The following PRKCZ variants were observed in gnomAD, a reference collection of about 807,000 sequenced individuals.
PRKCZ encodes protein kinase C zeta, also known as protein kinase C zeta type.
Under a neutral mutation model 79.5 loss-of-function variants are expected in PRKCZ, and 33 were observed. The observed-to-expected ratio is 0.41, with a 90% CI of 0.31 to 0.55. PRKCZ has a LOEUF of 0.55. Among genes scored for constraint, PRKCZ ranks in the 20% least tolerant of loss-of-function variants. The pLI is 0.19. For missense variants in PRKCZ, 578 were observed against 813.5 expected, an observed-to-expected ratio of 0.71 and a Z score of 3.52; for synonymous variants, 342 against 320.9, an observed-to-expected ratio of 1.07 and a Z score of -0.70.
At chr1:2,151,609 C>G (rs977978929) in intron 9 of PRKCZ, among the ~76,000 whole-genome samples, 3 of 152,346 alleles carry the variant, frequency 2.0e-5, no homozygotes, top group African/African-American at 7.2e-5. Context: ...GATCTTCCCA[C>G]ACCAGCTGTT....
At chr1:2,169,105 C>T (rs1426530631) in intron 10 of PRKCZ, 3 of 456,236 alleles carry the variant, frequency 6.6e-6, no homozygotes, top group Non-Finnish European at 8.8e-6. Context: ...GGCCACCCCA[C>T]CCGTGACCTG....
In PRKCZ at chr1:2,153,656, G is replaced by T. The variant is rs796741834; in HGVS notation, c.877-2339G>T. On this transcript the variant is annotated intron_variant, in intron 9 of 17. Transcript: ENST00000378567. Reference sequence around the variant, plus strand: ...CCAGCGGCAGCACAGGAGGATTCCAGCCCCCTTTGCAGCACGTCCCGGTCA... The same window carrying T: ...CCAGCGGCAGCACAGGAGGATTCCATCCCCCTTTGCAGCACGTCCCGGTCA... 6.6e-5 allele frequency among the ~76,000 whole-genome samples: 10 copies of T among 152,358 alleles called. No homozygotes were observed. In the South Asian group the frequency reaches 1.9e-3, roughly 28 times the overall value.
intron 4 of PRKCZ, among the ~76,000 whole-genome samples, chr1:2,080,166 CG>C (rs1295215870): frequency 1.3e-5 from 2 of 152,178 alleles, no homozygotes; most frequent in African/African-American, 4.8e-5. Context: ...TTTGCTGTTA[CG>C]GGTTTTTTGG....
chr1:2,133,333 G>GC (rs1373509625), intron 4 of PRKCZ, among the ~76,000 whole-genome samples: 1 of 148,718 alleles, frequency 6.7e-6, no homozygotes, highest in African/African-American at 2.5e-5. Context: ...CCTCGGCTCC[G>GC]CCCCCAGTTG....
At chr1:2,108,345 C>G (rs1669009631) in intron 4 of PRKCZ, among the ~76,000 whole-genome samples, 2 of 152,242 alleles carry the variant, frequency 1.3e-5, no homozygotes, top group African/African-American at 2.4e-5. Flanking sequence ...GGCGTGGCCC[C>G]TTGTCCCTGC....
At chr1:2,095,899 CCTCCTCTCCCCTCCT>C (rs1666410660) in intron 4 of PRKCZ, among the ~76,000 whole-genome samples, 1 of 109,908 alleles carries the variant, frequency 9.1e-6, no homozygotes, top group African/African-American at 3.8e-5. Flanking sequence ...TTTCCCCTCC[CCTCCTCTCCCCTCCT>C]CTCCCCTCCC....
intron 4 of PRKCZ, among the ~76,000 whole-genome samples, chr1:2,060,054 G>A (rs1027516517): frequency 4.6e-5 from 7 of 152,226 alleles, no homozygotes; most frequent in Admixed American, 3.3e-4. Context: ...TCAGAGGGAA[G>A]CTTCTGACCT....
At chr1:2,064,051 T>C (rs2102265815) in intron 4 of PRKCZ, among the ~76,000 whole-genome samples, 1 of 152,316 alleles carries the variant, frequency 6.6e-6, no homozygotes, top group East Asian at 1.9e-4. Flanking sequence ...TTCACCATCT[T>C]GGCCAGGTTA....
intron 4 of PRKCZ, among the ~76,000 whole-genome samples, chr1:2,108,623 C>A (rs1669077671): frequency 1.3e-5 from 2 of 152,336 alleles, no homozygotes; most frequent in East Asian, 3.9e-4. Flanking sequence ...CCAGCCATGT[C>A]CCCAGGACTC....
At chr1:2,069,950 GGGTGCCCGCCCTGTGGAGGA>G (rs1340289036) in intron 4 of PRKCZ, among the ~76,000 whole-genome samples, 1 of 152,312 alleles carries the variant, frequency 6.6e-6, no homozygotes, top group Non-Finnish European at 1.5e-5. Context: ...TAAAGACTCA[GGGTGCCCGCCCTGTGGAGGA>G]GGTGCCGGGG....
At chr1:2,176,158 G>A (rs1488616006) in intron 16 of PRKCZ, among the ~76,000 whole-genome samples, 2 of 152,142 alleles carry the variant, frequency 1.3e-5, no homozygotes, top group African/African-American at 2.4e-5. Context: ...AGTTTTGACC[G>A]TTCCCCAGCT....
intron 8 of PRKCZ, 135 bp from the exon 9 acceptor site, chr1:2,150,655 G>A (rs2103218712): frequency 1.1e-6 from 1 of 885,054 alleles, no homozygotes. Context: ...GTGGGACGCA[G>A]AACTGAGACT....
At chr1:2,129,445 A>G (rs1056724292) in intron 4 of PRKCZ, among the ~76,000 whole-genome samples, 1 of 152,196 alleles carries the variant, frequency 6.6e-6, no homozygotes, top group African/African-American at 2.4e-5. Flanking sequence ...CCGAGAGGCA[A>G]GACGGTGACA....
intron 4 of PRKCZ, among the ~76,000 whole-genome samples, chr1:2,063,494 G>A (rs1269185115): frequency 6.6e-6 from 1 of 152,060 alleles, no homozygotes; most frequent in Non-Finnish European, 1.5e-5. Flanking sequence ...TGTACTTTTT[G>A]TAGAGACAGG....
intron 16 of PRKCZ, 100 bp from the exon 17 acceptor site, chr1:2,184,483 T>A (rs928521964): frequency 1.2e-6 from 1 of 815,072 alleles, no homozygotes; most frequent in East Asian, 2.7e-5. Flanking sequence ...ATGCTGACTT[T>A]CTCACTGTTT....
chr1:2,135,975 A>C (rs1350661245), intron 5 of PRKCZ, among the ~76,000 whole-genome samples: 6 of 151,998 alleles, frequency 3.9e-5, no homozygotes, highest in African/African-American at 1.2e-4. Context: ...AGTTGGTCCC[A>C]CACAGGGAGT....
chr1:2,091,364 C>T (rs1187619170), intron 4 of PRKCZ, among the ~76,000 whole-genome samples: 1 of 152,154 alleles, frequency 6.6e-6, no homozygotes, highest in Non-Finnish European at 1.5e-5. Context: ...TGGTAAAATA[C>T]CTATAACATA....
At chr1:2,139,608 A>C (rs1676911704) in intron 5 of PRKCZ, among the ~76,000 whole-genome samples, 1 of 152,082 alleles carries the variant, frequency 6.6e-6, no homozygotes, top group Non-Finnish European at 1.5e-5. Flanking sequence ...CAAAACAAAA[A>C]CAAAACAACA....
chr1:2,102,610 G>T (rs573812876), intron 4 of PRKCZ, among the ~76,000 whole-genome samples: 1 of 152,176 alleles, frequency 6.6e-6, no homozygotes, highest in South Asian at 2.1e-4. Flanking sequence ...AGGATTACAG[G>T]TGTGAGCCAC....
Sources: allele counts gnomAD v4.1 joint callset (sites outside exome capture counted in the v4.1 genomes callset), GRCh38; gene constraint gnomAD v4.1.1; transcripts MANE v1.5; gene names NCBI Gene and HGNC (gene_info 2026-07-23, HGNC 2026-07-21).